Variants in CNTNAP2 observed in about 807,000 individuals in gnomAD.
CNTNAP2 encodes contactin-associated protein-like 2.
Under a neutral mutation model 155.2 loss-of-function variants are expected in CNTNAP2, and 98 were observed. The ratio of observed to expected loss-of-function variants is 0.63; its 90% CI spans 0.54 to 0.75. The LOEUF (loss-of-function observed/expected upper bound fraction) is 0.75, where lower values mean the gene tolerates loss of function less well. CNTNAP2 is among the 30% of genes least tolerant of loss of function. CNTNAP2 has a pLI of 0.00. For missense variants in CNTNAP2, 1,727 were observed against 1,688.1 expected (o/e 1.02, Z -0.40); for synonymous variants, 651 against 631.2 (o/e 1.03, Z -0.47).
At chr7:147,557,094 T>C (rs1799966226) in intron 11 of CNTNAP2, among the ~76,000 whole-genome samples, 1 of 151,992 alleles carries the variant, frequency 6.6e-6, no homozygotes, top group Non-Finnish European at 1.5e-5. Flanking sequence ...TGAAACCCCA[T>C]CTCTACTGAA....
chr7:147,998,876 A>G (rs919429284), intron 15 of CNTNAP2, among the ~76,000 whole-genome samples: 2 of 152,198 alleles, frequency 1.3e-5, no homozygotes, highest in African/African-American at 4.8e-5. Flanking sequence ...ATCTTTAATT[A>G]AAATAAAACC....
At chr7:147,575,108 TGTG>T (rs1800363599) in intron 12 of CNTNAP2, among the ~76,000 whole-genome samples, 1 of 21,800 alleles carries the variant, frequency 4.6e-5, no homozygotes, top group African/African-American at 2.6e-4. Context: ...TTGTGGGAAA[TGTG>T]TGTGTGTGTG....
chr7:148,360,677 A>G (rs1353024865), intron 21 of CNTNAP2, among the ~76,000 whole-genome samples: 1 of 152,222 alleles, frequency 6.6e-6, no homozygotes, highest in Non-Finnish European at 1.5e-5. Context: ...AGCCAGAATG[A>G]TCCCTTTCTG....
intron 1 of CNTNAP2, among the ~76,000 whole-genome samples, chr7:146,768,859 C>G (rs189176731): frequency 1.3e-3 from 203 of 152,222 alleles, no homozygotes; most frequent in Non-Finnish European, 2.2e-3. Context: ...CATTTTCAGA[C>G]ATTATATTTC....
intron 1 of CNTNAP2, among the ~76,000 whole-genome samples, chr7:146,659,473 A>G (rs943364350): frequency 6.6e-6 from 1 of 152,164 alleles, no homozygotes; most frequent in African/African-American, 2.4e-5. Context: ...TGCTATTTTA[A>G]TATGTTGGGT....
At chr7:147,942,743 A>G (rs1800747339) in intron 14 of CNTNAP2, among the ~76,000 whole-genome samples, 1 of 152,130 alleles carries the variant, frequency 6.6e-6, no homozygotes, top group Non-Finnish European at 1.5e-5. Flanking sequence ...TATCAAGACC[A>G]CTGTGTCTTA....
chr7:146,196,397 A>G (rs1798775652), intron 1 of CNTNAP2, among the ~76,000 whole-genome samples: 2 of 152,182 alleles, frequency 1.3e-5, no homozygotes, highest in Admixed American at 1.3e-4. Flanking sequence ...CTACAATGAG[A>G]GGTAGAAAGA....
intron 13 of CNTNAP2, chr7:147,832,006 G>C (rs994376359): frequency 1.3e-5 from 2 of 151,422 alleles, no homozygotes; most frequent in Non-Finnish European, 2.9e-5. Flanking sequence ...ATGTACCCAC[G>C]ACATTAAAAA....
intron 14 of CNTNAP2, among the ~76,000 whole-genome samples, chr7:147,960,909 A>C (rs1801108773): frequency 6.6e-6 from 1 of 152,092 alleles, no homozygotes; most frequent in Admixed American, 6.6e-5. Context: ...CATGGTGATA[A>C]GTAGAAGCCT....
intron 17 of CNTNAP2, among the ~76,000 whole-genome samples, chr7:148,166,462 T>C (rs1805661329): frequency 6.6e-6 from 1 of 151,502 alleles, no homozygotes; most frequent in African/African-American, 2.4e-5. Context: ...CTTAGCTCTT[T>C]ATTAAGTTCT....
chr7:147,755,373 A>G (rs1389749440), intron 13 of CNTNAP2, among the ~76,000 whole-genome samples: 1 of 152,192 alleles, frequency 6.6e-6, no homozygotes, highest in Admixed American at 6.5e-5. Flanking sequence ...CGTTAATAGC[A>G]GCCAGGCGCA....
intron 1 of CNTNAP2, among the ~76,000 whole-genome samples, chr7:146,313,088 G>C (rs1190485564): frequency 2.0e-5 from 3 of 152,154 alleles, no homozygotes; most frequent in Admixed American, 6.5e-5. Context: ...TGGGATTGCT[G>C]AATCACATAG....
chr7:146,896,119 CAAAAT>C (rs1795871298), intron 3 of CNTNAP2, among the ~76,000 whole-genome samples: 1 of 151,974 alleles, frequency 6.6e-6, no homozygotes, highest in East Asian at 1.9e-4. Flanking sequence ...ATCTGAGAAA[CAAAAT>C]AAGCTTCAGA....
chr7:146,751,223 A>G (rs1801897904), intron 1 of CNTNAP2, among the ~76,000 whole-genome samples: 5 of 152,190 alleles, frequency 3.3e-5, no homozygotes, highest in African/African-American at 9.7e-5. Flanking sequence ...AAATTTGAGT[A>G]TACAAATTTG....
At chr7:146,861,612 A>C (rs1396985154) in intron 3 of CNTNAP2, among the ~76,000 whole-genome samples, 1 of 152,124 alleles carries the variant, frequency 6.6e-6, no homozygotes, top group Non-Finnish European at 1.5e-5. Context: ...GGGGGTAACC[A>C]TAAAATTCCC....
At chr7:147,108,912 C>G (rs1402169432) in intron 5 of CNTNAP2, among the ~76,000 whole-genome samples, 4 of 152,214 alleles carry the variant, frequency 2.6e-5, no homozygotes, top group African/African-American at 9.6e-5. Flanking sequence ...ACATGGAAGA[C>G]CAAAAGCACG....
chr7:147,300,019 C>T (rs1794912410), intron 8 of CNTNAP2, 122 bp from the exon 9 acceptor site: 9 of 1,020,534 alleles, frequency 8.8e-6, no homozygotes, highest in Admixed American at 4.1e-5. Flanking sequence ...GAATTGTAAG[C>T]AGCACTGTAT....
chr7:146,578,946 T>A (rs897896509), intron 1 of CNTNAP2, among the ~76,000 whole-genome samples: 3 of 152,284 alleles, frequency 2.0e-5, no homozygotes, highest in African/African-American at 7.2e-5. Context: ...AAAAGTCCTT[T>A]AAATATTTTT....
At position 146,277,925 on chromosome 7, in the gene CNTNAP2, CAAAAAAGAA is replaced by C. The variant is rs1800189539; in HGVS notation, c.97+160955_97+160963del. 3.3e-5 allele frequency among the ~76,000 whole-genome samples: 5 copies of C among 151,582 alleles called. No individual in the cohort carries two copies. The South Asian group carries it at 1.0e-3, about 32-fold the overall frequency. On this transcript the variant is annotated intron_variant, in intron 1 of 23. Transcript: ENST00000361727. ...TGAAAGGACAAGAAAGAAAAATTTT[CAAAAAAGAA>C]AATAAAAAGAAAACTGAAAGCAGAG... is the stretch of plus-strand genomic sequence containing the variant.
Sources: allele counts gnomAD v4.1 joint callset (sites outside exome capture counted in the v4.1 genomes callset), GRCh38; gene constraint gnomAD v4.1.1; transcripts MANE v1.5; gene names NCBI Gene and HGNC (gene_info 2026-07-23, HGNC 2026-07-21).